Variants in MECOM observed in about 807,000 individuals in gnomAD.
MECOM encodes histone-lysine N-methyltransferase MECOM.
A neutral mutation model predicts 116.3 loss-of-function variants in MECOM; 13 were observed. The observed-to-expected ratio is 0.11, with a 90% CI of 0.07 to 0.18. MECOM has a LOEUF of 0.18. MECOM is among the 10% of genes least tolerant of loss of function. The pLI is 1.00. For synonymous variants in MECOM, 528 were observed against 535.2 expected, an observed-to-expected ratio of 0.99 and a Z score of 0.19; for missense variants, 1,299 against 1,509.0, an observed-to-expected ratio of 0.86 and a Z score of 2.31.
chr3:169,519,641 C>T (rs1033543394), intron 1 of MECOM, among the ~76,000 whole-genome samples: 19 of 152,226 alleles, frequency 1.2e-4, no homozygotes, highest in Non-Finnish European at 2.2e-4. Context: ...GAAGGCAGAA[C>T]GAGCATGGCC....
intron 1 of MECOM, among the ~76,000 whole-genome samples, chr3:169,602,918 T>C (rs1233040061): frequency 3.3e-5 from 5 of 152,214 alleles, no homozygotes; most frequent in Admixed American, 1.3e-4. Flanking sequence ...ATGTTTATTA[T>C]ATGTGGTGAA....
intron 2 of MECOM, among the ~76,000 whole-genome samples, chr3:169,354,445 C>T (rs1726898541): frequency 6.6e-6 from 1 of 151,880 alleles, no homozygotes; most frequent in Non-Finnish European, 1.5e-5. Context: ...CATAATATTT[C>T]CATATTTATG....
At chr3:169,095,495 G>A (rs1254224675) in intron 12 of MECOM, among the ~76,000 whole-genome samples, 2 of 152,028 alleles carry the variant, frequency 1.3e-5, no homozygotes, top group Admixed American at 1.3e-4. Flanking sequence ...TCATTAATCA[G>A]TACCAATATT....
chr3:169,363,136 C>T (rs1356587247), intron 2 of MECOM, among the ~76,000 whole-genome samples: 1 of 151,908 alleles, frequency 6.6e-6, no homozygotes, highest in African/African-American at 2.4e-5. Flanking sequence ...GGTGGAAAGA[C>T]TCTATTAGCC....
Position 169,653,892 on chromosome 3 carries a change from C to T in MECOM, c.37+9444G>A, listed in dbSNP as rs545979157. Among the ~76,000 whole-genome samples the T allele has an allele frequency of 8.5e-5, 13 of 152,228 alleles. No individual in the cohort carries two copies. In the South Asian group the frequency reaches 1.2e-3, roughly 15 times the overall value. Reference sequence around the variant, plus strand: ...ATTCAAACCCAGGCAAATCTCACTCCCGACCTGTACTCAGGAGTCACCACA... The same window carrying T: ...ATTCAAACCCAGGCAAATCTCACTCTCGACCTGTACTCAGGAGTCACCACA... On this transcript the variant is annotated intron_variant, in intron 1 of 16. Transcript: ENST00000651503.
At position 169,089,003 on chromosome 3, in the gene MECOM, C is replaced by A; in HGVS notation, c.3582G>T (p.Ser1194=). The part of the protein sequence containing the change: ...LKQPLHRKSK[S]QAYAMMLSLS... The stretch of plus-strand genomic sequence containing the variant: ...TGTACTATGGGAAAATCTGTACCTG[C>A]GATTTGGACTTTCTGTGTAACGGCT... Residue 1194 remains serine (S), a synonymous_variant, in exon 16 of 17, where the codon TCG becomes TCT. Coordinates refer to ENST00000651503, the MANE Select transcript of MECOM (RefSeq NM_004991.4). 1 of 1,586,006 alleles carries A rather than the reference C, an allele frequency of 6.3e-7. No homozygotes were observed. The highest frequency in any genetic ancestry group is 8.6e-7 in the Non-Finnish European group (1 of 1,168,848).
rs79313553 is a variant in MECOM at position 169,541,924 on chromosome 3, G to C, written c.37+121412C>G. 7.3e-3 allele frequency among the ~76,000 whole-genome samples: 1,117 copies of C among 152,212 alleles called. 33 individuals are homozygous for C. The highest frequency in any genetic ancestry group is 0.054 in the Admixed American group (825 of 15,278). On this transcript the variant is annotated intron_variant, in intron 1 of 16. Coordinates refer to ENST00000651503, the MANE Select transcript of MECOM (RefSeq NM_004991.4). Reference sequence around the variant, plus strand: ...AAGGCTTTTTAAAAGACAAACCCACGGTATTTACATAGATATATGGGTCTG... The same window carrying C: ...AAGGCTTTTTAAAAGACAAACCCACCGTATTTACATAGATATATGGGTCTG...
intron 1 of MECOM, among the ~76,000 whole-genome samples, chr3:169,512,295 A>T (rs912357534): frequency 6.6e-6 from 1 of 152,106 alleles, no homozygotes; most frequent in African/African-American, 2.4e-5. Flanking sequence ...CCTACTTACT[A>T]ACGCTCCCAA....
intron 2 of MECOM, among the ~76,000 whole-genome samples, chr3:169,243,441 C>G (rs573898683): frequency 6.6e-6 from 1 of 152,158 alleles, no homozygotes; most frequent in Non-Finnish European, 1.5e-5. Flanking sequence ...TGTACATAGA[C>G]AACCCCTATA....
chr3:169,215,445 C>T (rs1033239013), intron 2 of MECOM, among the ~76,000 whole-genome samples: 2 of 152,206 alleles, frequency 1.3e-5, no homozygotes, highest in African/African-American at 4.8e-5. Context: ...GAGTTTTTGC[C>T]ATATCCTATG....
chr3:169,571,260 A>G (rs1270612270), intron 1 of MECOM, among the ~76,000 whole-genome samples: 1 of 152,216 alleles, frequency 6.6e-6, no homozygotes, highest in Non-Finnish European at 1.5e-5. Context: ...AAGAGAATAA[A>G]ATACCTAGGA....
At chr3:169,485,157 G>C (rs186145136) in intron 1 of MECOM, among the ~76,000 whole-genome samples, 199 of 152,110 alleles carry the variant, frequency 1.3e-3, no homozygotes, top group Non-Finnish European at 2.6e-3. Context: ...ACCACGTCTG[G>C]CTAAGTTTTG....
At chr3:169,237,538 CCTCCCTA>C (rs1754215385) in intron 2 of MECOM, among the ~76,000 whole-genome samples, 2 of 148,266 alleles carry the variant, frequency 1.3e-5, no homozygotes, top group Non-Finnish European at 1.5e-5. Flanking sequence ...ATGTGCTGTC[CCTCCCTA>C]CTAGAATGCA....
At chr3:169,487,031 C>CA (rs1209550867) in intron 1 of MECOM, among the ~76,000 whole-genome samples, 1 of 151,716 alleles carries the variant, frequency 6.6e-6, no homozygotes, top group Non-Finnish European at 1.5e-5. Context: ...AATGATATCT[C>CA]ATGTCTTTCT....
At chr3:169,582,762 G>A (rs1316810650) in intron 1 of MECOM, among the ~76,000 whole-genome samples, 1 of 152,198 alleles carries the variant, frequency 6.6e-6, no homozygotes, top group East Asian at 1.9e-4. Context: ...AGCTGCGTCA[G>A]GAAGCAGCAG....
chr3:169,263,097 A>G lies in MECOM; in HGVS notation c.375+118090T>C, dbSNP rs1389346608. On this transcript the variant is annotated intron_variant, in intron 2 of 16. Transcript: ENST00000651503. ...AGATGCTATATATATATATATATAT[A>G]TATATATATATATATATATATATAT... Among the ~76,000 whole-genome samples, 21 of 62,308 alleles carry G rather than the reference A, an allele frequency of 3.4e-4. 1 individual carries two copies. The highest frequency in any genetic ancestry group is 1.4e-3 in the Admixed American group (7 of 5,074). 40.9% of individuals were successfully genotyped at this position (62,308 alleles called of 152,430 possible). A position where few individuals can be genotyped will look rare whatever the true frequency, so the allele number is the denominator to read the frequency against.
At chr3:169,129,317 G>T (rs1003690463) in intron 4 of MECOM, among the ~76,000 whole-genome samples, 3 of 151,866 alleles carry the variant, frequency 2.0e-5, no homozygotes, top group Non-Finnish European at 4.4e-5. Context: ...GCTGGAGGGG[G>T]TGCAGCTCAC....
intron 1 of MECOM, among the ~76,000 whole-genome samples, chr3:169,559,046 G>GCACA (rs113971910): frequency 0.11 from 16,557 of 148,396 alleles, 1,187 homozygotes; most frequent in East Asian, 0.33. Context: ...ACACACACGC[G>GCACA]CACACACACA....
At chr3:169,174,541 C>G (rs910346555) in intron 2 of MECOM, among the ~76,000 whole-genome samples, 6 of 152,098 alleles carry the variant, frequency 3.9e-5, no homozygotes, top group African/African-American at 1.4e-4. Flanking sequence ...CAAGTTTATG[C>G]CCAAACATCA....
Sources: allele counts gnomAD v4.1 joint callset (sites outside exome capture counted in the v4.1 genomes callset), GRCh38; gene constraint gnomAD v4.1.1; transcripts MANE v1.5; gene names NCBI Gene and HGNC (gene_info 2026-07-23, HGNC 2026-07-21).